The following MMS22L variants were observed in gnomAD, a reference collection of about 807,000 sequenced individuals.
The protein encoded by MMS22L is MMS22 like, DNA repair protein.
In MMS22L, 74 loss-of-function variants were observed where a neutral mutation model predicts 159.1. That is an observed-to-expected ratio of 0.47 (90% CI 0.39 to 0.56). The LOEUF (loss-of-function observed/expected upper bound fraction) is 0.56, where lower values mean the gene tolerates loss of function less well. Among genes scored for constraint, MMS22L ranks in the 20% least tolerant of loss-of-function variants. MMS22L has a pLI of 0.00. For synonymous variants in MMS22L, 517 were observed against 506.9 expected, an observed-to-expected ratio of 1.02 and a Z score of -0.27; for missense variants, 1,351 against 1,422.1, an observed-to-expected ratio of 0.95 and a Z score of 0.80.
intron 13 of MMS22L, 131 bp downstream of exon 13, chr6:97,231,295 C>G (rs1287304470): frequency 1.5e-6 from 1 of 654,586 alleles, no homozygotes; most frequent in African/African-American, 1.8e-5. Context: ...TAATCAAATG[C>G]ATATAATGGA....
At chr6:97,217,937 T>A (rs983810962) in intron 14 of MMS22L, among the ~76,000 whole-genome samples, 2 of 152,076 alleles carry the variant, frequency 1.3e-5, no homozygotes. Flanking sequence ...TCCACTCTAA[T>A]CCCAATACAG....
chr6:97,249,918 A>G (rs1813068483), intron 10 of MMS22L, among the ~76,000 whole-genome samples: 1 of 152,148 alleles, frequency 6.6e-6, no homozygotes, highest in Non-Finnish European at 1.5e-5. Flanking sequence ...TGTGTTATCA[A>G]AGCATTTGAA....
intron 11 of MMS22L, among the ~76,000 whole-genome samples, chr6:97,244,946 G>C (rs909948657): frequency 6.6e-6 from 1 of 151,940 alleles, no homozygotes; most frequent in South Asian, 2.1e-4. Flanking sequence ...GGCTGCCTCT[G>C]CTGCTTCATA....
chr6:97,245,656 T>C (rs1018561714), intron 11 of MMS22L, among the ~76,000 whole-genome samples: 3 of 152,054 alleles, frequency 2.0e-5, no homozygotes, highest in South Asian at 2.1e-4. Flanking sequence ...AAAAAGATAA[T>C]AGATTTGTTT....
chr6:97,237,255 A>C (rs754064855), intron 11 of MMS22L, among the ~76,000 whole-genome samples: 3 of 152,234 alleles, frequency 2.0e-5, no homozygotes, highest in Non-Finnish European at 4.4e-5. Flanking sequence ...CAATAACGTC[A>C]GGGTCACTAG....
chr6:97,180,203 G>A (rs887276906), intron 16 of MMS22L, among the ~76,000 whole-genome samples: 7 of 151,918 alleles, frequency 4.6e-5, no homozygotes, highest in African/African-American at 1.5e-4. Flanking sequence ...CCGGGTTCAC[G>A]CCATTCTCCT....
chr6:97,191,789 TG>T (rs2128287391), intron 14 of MMS22L, among the ~76,000 whole-genome samples: 1 of 152,266 alleles, frequency 6.6e-6, no homozygotes, highest in African/African-American at 2.4e-5. Context: ...CTTGTATCTG[TG>T]AAACAGGGCT....
At chr6:97,236,323 CAA>C (rs58792910) in intron 11 of MMS22L, among the ~76,000 whole-genome samples, 1,310 of 94,562 alleles carry the variant, frequency 0.014, 3 homozygotes, top group Middle Eastern at 0.027. Flanking sequence ...ACTCTTTCTC[CAA>C]AAAAAAAAAA....
chr6:97,282,215 A>G (rs1816813770), intron 2 of MMS22L, 99 bp downstream of exon 2: 2 of 1,230,692 alleles, frequency 1.6e-6, no homozygotes, highest in Non-Finnish European at 1.1e-6. Flanking sequence ...ATAAAACACG[A>G]CTTGGTGAAC....
intron 11 of MMS22L, among the ~76,000 whole-genome samples, chr6:97,240,735 T>C (rs1396120815): frequency 6.6e-6 from 1 of 152,106 alleles, no homozygotes; most frequent in East Asian, 1.9e-4. Flanking sequence ...CAAGTGATTC[T>C]CCTGCCACAG....
intron 4 of MMS22L, among the ~76,000 whole-genome samples, chr6:97,277,645 T>C (rs1015222256): frequency 1.3e-5 from 2 of 152,066 alleles, no homozygotes; most frequent in African/African-American, 4.8e-5. Flanking sequence ...TCCCTTTGTT[T>C]GTCTCACCTC....
At chr6:97,162,236 T>C (rs903190192) in intron 21 of MMS22L, 71 bp from the exon 22 acceptor site, 2 of 1,400,822 alleles carry the variant, frequency 1.4e-6, no homozygotes, top group Non-Finnish European at 1.9e-6. Flanking sequence ...GGCATATAAT[T>C]TAAAGATATT....
At chr6:97,272,934 G>C (rs1322155647) in intron 5 of MMS22L, 41 bp downstream of exon 5, 7 of 1,605,768 alleles carry the variant, frequency 4.4e-6, no homozygotes, top group Non-Finnish European at 5.9e-6. Context: ...AATACACACA[G>C]AAATTCATGC....
Position 97,265,500 on chromosome 6 carries a change from T to C in MMS22L, c.829-2052A>G, listed in dbSNP as rs542062182. 3 of 151,282 alleles carry C rather than the reference T, an allele frequency of 2.0e-5. No homozygotes were observed. In the South Asian group the frequency reaches 6.3e-4, roughly 32 times the overall value. The allele number at this position is 151,282 out of a possible 1,614,324, so 9.4% of individuals were successfully genotyped here. On this transcript the variant is annotated intron_variant, in intron 8 of 24. Transcript: ENST00000683635. ...AGCCATGAAAATGAAAACTGACAAA[T>C]GGGATTATATCAAAATAAAAAGGAA...
At chr6:97,191,411 T>C (rs1434773222) in intron 14 of MMS22L, among the ~76,000 whole-genome samples, 1 of 152,172 alleles carries the variant, frequency 6.6e-6, no homozygotes, top group Non-Finnish European at 1.5e-5. Flanking sequence ...TATTCACAGT[T>C]GTATATTAAT....
chr6:97,186,719 C>A, intron 14 of MMS22L, 29 bp from the exon 15 acceptor site: 1 of 1,418,500 alleles, frequency 7.0e-7, no homozygotes, highest in Non-Finnish European at 9.3e-7. Context: ...ACAGCTAACA[C>A]CCTTAATAAA....
chr6:97,162,517 C>T (rs1562403192), intron 21 of MMS22L, among the ~76,000 whole-genome samples: 1 of 151,684 alleles, frequency 6.6e-6, no homozygotes, highest in Non-Finnish European at 1.5e-5. Context: ...CCATTGGGTC[C>T]TCAATGCCGC....
At chr6:97,232,174 C>A (rs1457027549) in intron 12 of MMS22L, among the ~76,000 whole-genome samples, 4 of 152,022 alleles carry the variant, frequency 2.6e-5, no homozygotes, top group African/African-American at 4.8e-5. Context: ...CTAAGTAGTT[C>A]CTATTGCATT....
intron 10 of MMS22L, 32 bp from the exon 11 acceptor site, chr6:97,246,722 A>G: frequency 6.8e-7 from 1 of 1,469,188 alleles, no homozygotes; most frequent in Middle Eastern, 1.7e-4. Flanking sequence ...CATCAAAATT[A>G]TTGCTCTTGA....
Sources: allele counts gnomAD v4.1 joint callset (sites outside exome capture counted in the v4.1 genomes callset), GRCh38; gene constraint gnomAD v4.1.1; transcripts MANE v1.5; gene names NCBI Gene and HGNC (gene_info 2026-07-23, HGNC 2026-07-21).